The following UNC5D variants were observed in gnomAD, a reference collection of about 807,000 sequenced individuals.
The protein encoded by UNC5D is netrin receptor UNC5D.
Under a neutral mutation model 105.4 loss-of-function variants are expected in UNC5D, and 39 were observed. The ratio of observed to expected loss-of-function variants is 0.37; its 90% CI spans 0.29 to 0.48. UNC5D has a LOEUF of 0.48. Among genes scored for constraint, UNC5D ranks in the 20% least tolerant of loss-of-function variants. The pLI is 0.98. For synonymous variants in UNC5D, 452 were observed against 450.4 expected (o/e 1.00, Z -0.04); for missense variants, 991 against 1,202.4 (o/e 0.82, Z 2.60).
At chr8:35,449,325 C>A (rs1404414023) in intron 1 of UNC5D, among the ~76,000 whole-genome samples, 1 of 152,094 alleles carries the variant, frequency 6.6e-6, no homozygotes, top group Non-Finnish European at 1.5e-5. Flanking sequence ...ACCATGAGAC[C>A]TTTCCCGTGG....
At chr8:35,503,231 G>T (rs921203756) in intron 1 of UNC5D, among the ~76,000 whole-genome samples, 1 of 152,068 alleles carries the variant, frequency 6.6e-6, no homozygotes, top group Admixed American at 6.5e-5. Flanking sequence ...GTATTAGTCC[G>T]TTTTCATGCC....
intron 14 of UNC5D, among the ~76,000 whole-genome samples, chr8:35,759,968 A>G (rs1295099805): frequency 6.6e-6 from 1 of 152,184 alleles, no homozygotes; most frequent in African/African-American, 2.4e-5. Context: ...CTTGCTTCCA[A>G]ATGAATCAGG....
intron 4 of UNC5D, among the ~76,000 whole-genome samples, chr8:35,636,933 G>A (rs1187008130): frequency 6.6e-6 from 1 of 152,158 alleles, no homozygotes; most frequent in African/African-American, 2.4e-5. Context: ...CCAGGACTTC[G>A]AGTCTGCCTG....
chr8:35,691,016 C>T (rs1315151490), intron 7 of UNC5D, among the ~76,000 whole-genome samples: 1 of 152,104 alleles, frequency 6.6e-6, no homozygotes, highest in African/African-American at 2.4e-5. Context: ...TTCAACAAAA[C>T]AATTGGTTTT....
intron 1 of UNC5D, among the ~76,000 whole-genome samples, chr8:35,441,655 C>A (rs1807411598): frequency 6.6e-6 from 1 of 151,700 alleles, no homozygotes; most frequent in Non-Finnish European, 1.5e-5. Context: ...TGATTCCTAA[C>A]AATTGACATC....
intron 1 of UNC5D, among the ~76,000 whole-genome samples, chr8:35,506,817 A>G (rs2130303427): frequency 6.6e-6 from 1 of 152,274 alleles, no homozygotes; most frequent in South Asian, 2.1e-4. Context: ...GACTGCGTGG[A>G]AAAGCCCTGT....
At chr8:35,781,175 C>A (rs2131773662) in intron 16 of UNC5D, among the ~76,000 whole-genome samples, 1 of 152,206 alleles carries the variant, frequency 6.6e-6, no homozygotes, top group South Asian at 2.1e-4. Context: ...CCCAACACAG[C>A]AAAGTGGTAG....
chr8:35,463,007 T>C (rs1809014272), intron 1 of UNC5D, among the ~76,000 whole-genome samples: 2 of 152,250 alleles, frequency 1.3e-5, no homozygotes, highest in Non-Finnish European at 2.9e-5. Context: ...CACTCTTATG[T>C]AATCCTTCCC....
At chr8:35,385,006 A>G (rs1803296095) in intron 1 of UNC5D, among the ~76,000 whole-genome samples, 1 of 152,174 alleles carries the variant, frequency 6.6e-6, no homozygotes, top group African/African-American at 2.4e-5. Context: ...CGTGTGTTGA[A>G]ATTATACCCA....
At chr8:35,774,108 T>G (rs1367701605) in intron 15 of UNC5D, among the ~76,000 whole-genome samples, 191 bp from the exon 16 acceptor site, 2 of 152,174 alleles carry the variant, frequency 1.3e-5, no homozygotes. Flanking sequence ...GTACACAATT[T>G]ATTAGGCTAC....
chr8:35,359,332 A>G (rs887194928), intron 1 of UNC5D, among the ~76,000 whole-genome samples: 1 of 152,180 alleles, frequency 6.6e-6, no homozygotes, highest in Non-Finnish European at 1.5e-5. Context: ...CTCAAAACAA[A>G]TTATTCACCC....
intron 1 of UNC5D, among the ~76,000 whole-genome samples, chr8:35,523,578 CT>C (rs33917742): frequency 0.29 from 27,917 of 97,442 alleles, 3,032 homozygotes; most frequent in African/African-American, 0.42. Flanking sequence ...GTAATGTGCT[CT>C]TTTTTTTTTT....
At chr8:35,456,944 T>C (rs75181878) in intron 1 of UNC5D, among the ~76,000 whole-genome samples, 2,544 of 152,324 alleles carry the variant, frequency 0.017, 82 homozygotes, top group African/African-American at 0.058. Context: ...CTGTAATCTA[T>C]ATGATGCATG....
intron 4 of UNC5D, among the ~76,000 whole-genome samples, chr8:35,645,174 T>C (rs887991875): frequency 2.6e-5 from 4 of 152,150 alleles, no homozygotes; most frequent in African/African-American, 9.7e-5. Context: ...GATTTAGCTG[T>C]CTTCATATGT....
At chr8:35,300,582 T>G (rs1307645595) in intron 1 of UNC5D, among the ~76,000 whole-genome samples, 1 of 151,496 alleles carries the variant, frequency 6.6e-6, no homozygotes, top group Non-Finnish European at 1.5e-5. Context: ...AACTTCACTG[T>G]ATTATAAATG....
At chr8:35,640,384 C>A (rs886101161) in intron 4 of UNC5D, among the ~76,000 whole-genome samples, 2 of 152,062 alleles carry the variant, frequency 1.3e-5, no homozygotes, top group Non-Finnish European at 2.9e-5. Context: ...AATCATGTAC[C>A]CATAATAATG....
intron 1 of UNC5D, among the ~76,000 whole-genome samples, chr8:35,476,626 C>A (rs745466146): frequency 1.3e-5 from 2 of 152,102 alleles, no homozygotes; most frequent in African/African-American, 2.4e-5. Flanking sequence ...GTCTTCCCTT[C>A]GTTTATTTCA....
In UNC5D at chr8:35,271,830, G is replaced by A. The variant is rs191811296; in HGVS notation, c.103+35943G>A. On this transcript the variant is annotated intron_variant, in intron 1 of 16. Transcript: ENST00000404895. ...ATTTGCTGGCCGTTGCTATAGGCAG[G>A]GGATAAGACAGACAAAGTTTTTCCC... is the stretch of plus-strand genomic sequence containing the variant. 1.6e-4 allele frequency among the ~76,000 whole-genome samples: 25 copies of A among 151,656 alleles called. 1 individual carries two copies. The South Asian group carries it at 3.1e-3, about 19-fold the overall frequency.
chr8:35,323,188 C>CTTTTTTTTTTTTTTTTTTTTTTTT (rs67076001), intron 1 of UNC5D, among the ~76,000 whole-genome samples: 1 of 125,926 alleles, frequency 7.9e-6, no homozygotes, highest in African/African-American at 3.2e-5. Context: ...TTTTCTTTTT[C>CTTTTTTTTTTTTTTTTTTTTTTTT]TTTTTTTTTT....
Sources: allele counts gnomAD v4.1 joint callset (sites outside exome capture counted in the v4.1 genomes callset), GRCh38; gene constraint gnomAD v4.1.1; transcripts MANE v1.5; gene names NCBI Gene and HGNC (gene_info 2026-07-23, HGNC 2026-07-21).